The following OFD1 variants were observed in gnomAD, a reference collection of about 807,000 sequenced individuals.
The protein encoded by OFD1 is OFD1 centriole and centriolar satellite protein.
In OFD1, 12 loss-of-function variants were observed where a neutral mutation model predicts 81.4. That is an observed-to-expected ratio of 0.15 (90% CI 0.09 to 0.24). The LOEUF is 0.24. Ranked by LOEUF, OFD1 falls within the 10% of genes least tolerant of loss-of-function variation. OFD1 has a pLI of 1.00. For missense variants in OFD1, 685 were observed against 733.9 expected (o/e 0.93, Z 0.77); for synonymous variants, 256 against 263.7 (o/e 0.97, Z 0.28).
At chrX:13,733,609 G>A (rs775104054), upstream of OFD1, among the ~76,000 whole-genome samples, 3 of 111,737 alleles carry the variant, frequency 2.7e-5, no homozygotes, top group Admixed American at 2.9e-4. Context: ...AAAACTCATC[G>A]TACTCATCTT....
At position 13,763,799 on chromosome X, in the gene OFD1, A is replaced by G. The variant is rs747535481; in HGVS notation, c.2543A>G (p.Asp848Gly). The G allele has an allele frequency of 2.5e-6, 3 of 1,211,164 alleles. No homozygotes were observed. Among genetic ancestry groups the G allele is most frequent in the African/African-American group, 1.7e-5 (1 of 57,714 alleles). Reference protein sequence around the residue: ...LEMGGLSPAGDMSHVDAAAAA... With the variant: ...LEMGGLSPAGGMSHVDAAAAA... ...ATGGGCGGGCTTTCTCCTGCCGGGG[A>G]TATGTCTCATGTGGACGCTGCTGCA... Residue 848 changes from aspartate (D) to glycine (G), a missense_variant, in exon 19 of 23, where the codon GAT (aspartate) becomes GGT (glycine). Around this residue, in one of 3 missense-constraint regions of OFD1, gnomAD observed 259 missense variants for 254.4 expected, o/e 1.02. Transcript: ENST00000340096.
intron 10 of OFD1, 41 bp from the exon 11 acceptor site, chrX:13,753,327 A>G (rs1448490413): frequency 8.3e-7 from 1 of 1,207,291 alleles, no homozygotes; most frequent in Non-Finnish European, 1.1e-6. Flanking sequence ...CTTTCCAGAA[A>G]AATGCCTGAG....
chrX:13,720,553 CTTCT>C, the OFD1 span: 4 of 112,546 alleles, frequency 3.6e-5, no homozygotes, highest in African/African-American at 1.3e-4. Flanking sequence ...CTGTATTTGT[CTTCT>C]TTCTACTTGA....
the OFD1 span, chrX:13,716,201 T>G: frequency 1.2e-6 from 1 of 842,567 alleles, no homozygotes. Context: ...GATGGAAAAG[T>G]TGAATATATA....
chrX:13,740,055 G>C (rs1198014338), intron 5 of OFD1: 6 of 939,648 alleles, frequency 6.4e-6, no homozygotes, highest in Non-Finnish European at 6.8e-6. Context: ...AATTCATTTA[G>C]AACTTAATCA....
At chrX:13,717,239 G>A in the OFD1 span, among the ~76,000 whole-genome samples, 5 of 110,176 alleles carry the variant, frequency 4.5e-5, no homozygotes, top group Non-Finnish European at 9.5e-5. Context: ...ACATGACAGC[G>A]GGACCTAGGA....
upstream of OFD1, among the ~76,000 whole-genome samples, chrX:13,732,420 C>G (rs1296020439): frequency 1.8e-5 from 2 of 112,425 alleles, no homozygotes; most frequent in Non-Finnish European, 3.8e-5. Context: ...AGGGACTTGG[C>G]TAGGGATGGC....
Position 13,734,776 on chromosome X carries a change from G to T in OFD1, c.-296G>T, listed in dbSNP as rs2285635. The T allele has an allele frequency of 0.26, 276,549 of 1,056,115 alleles. 26,388 individuals are homozygous for T. Among genetic ancestry groups the T allele is most frequent in the Admixed American group, 0.51 (12,033 of 23,814 alleles). The allele number at this position is 1,056,115 out of a possible 1,213,427, so 87.0% of individuals were successfully genotyped here. On this transcript the variant is annotated 5_prime_UTR_variant, in exon 1 of 23. Transcript: ENST00000340096. ...GGCTGTGAGGCGGTCCTGCCTCGCT[G>T]CCTTCAGTCCCTAGTGTCTGGGTCC... is the stretch of plus-strand genomic sequence containing the variant.
the OFD1 span, among the ~76,000 whole-genome samples, chrX:13,718,674 C>T: frequency 8.9e-6 from 1 of 112,367 alleles, no homozygotes; most frequent in South Asian, 3.6e-4. Flanking sequence ...AAATGCCTAT[C>T]TTATTTTGGT....
At chrX:13,747,066 T>C (rs2047324793) in intron 8 of OFD1, 113 bp downstream of exon 8, 1 of 704,258 alleles carries the variant, frequency 1.4e-6, no homozygotes, top group African/African-American at 2.1e-5. Context: ...AGAAGAGCAA[T>C]AGGGACTGGG....
At position 13,760,273 on chromosome X, in the gene OFD1, G is replaced by A. The variant is rs1180446732; in HGVS notation, c.1813G>A (p.Ala605Thr). The change falls in exon 16 of 23, where the codon GCA (alanine) becomes ACA (threonine). Residue 605 changes from alanine to threonine, a missense_variant. Transcript: ENST00000340096. ...GGAAAACGTTCTAGCACGTATGGTTGCATCAAGGATCACAAATTATCCAAC... is the reference window on the plus strand; with the variant it reads ...GGAAAACGTTCTAGCACGTATGGTTACATCAAGGATCACAAATTATCCAAC... ...KQENVLARMV[A>T]SRITNYPTAW... The A allele has an allele frequency of 1.7e-6, 2 of 1,210,010 alleles. No individual in the cohort carries two copies. The highest frequency in any genetic ancestry group is 3.5e-5 in the African/African-American group (2 of 57,176).
chrX:13,735,282 A>T lies in OFD1; in HGVS notation c.47A>T (p.Gln16Leu). Residue 16 changes from glutamine (Q) to leucine (L), a missense_variant, in exon 2 of 23, where the codon CAA becomes CTA. Coordinates refer to ENST00000340096, the MANE Select transcript of OFD1 (RefSeq NM_003611.3). ...TTTACCGTGGCTGATGTGTTGAGTC[A>T]AGATGAACTGCGCAAAAAGCTATAC... ...NMFTVADVLS[Q>L]DELRKKLYQT... The T allele has an allele frequency of 4.1e-6, 5 of 1,211,822 alleles. No homozygotes were observed. The highest frequency in any genetic ancestry group is 5.6e-6 in the Non-Finnish European group (5 of 895,297).
chrX:13,729,245 C>A, the OFD1 span, among the ~76,000 whole-genome samples: 3 of 111,945 alleles, frequency 2.7e-5, no homozygotes. Flanking sequence ...TTGAAAAAAA[C>A]TACTTTAAAG....
chrX:13,727,269 A>C, the OFD1 span, among the ~76,000 whole-genome samples: 2 of 111,748 alleles, frequency 1.8e-5, no homozygotes, highest in Non-Finnish European at 3.8e-5. Flanking sequence ...CATCTACAGA[A>C]CTCTCCACCC....
chrX:13,752,477 G>C (rs2047541061), intron 10 of OFD1, among the ~76,000 whole-genome samples: 1 of 112,024 alleles, frequency 8.9e-6, no homozygotes. Flanking sequence ...GGTTTCTTGA[G>C]GTAATCCTTT....
At chrX:13,767,354 A>C in intron 20 of OFD1, 70 bp downstream of exon 20, 8 of 1,074,781 alleles carry the variant, frequency 7.4e-6, no homozygotes, top group Non-Finnish European at 1.0e-5. Context: ...CATTGAGCTC[A>C]GGGAGGGGAG....
chrX:13,751,561 T>C (rs912668150), intron 10 of OFD1, among the ~76,000 whole-genome samples, 193 bp downstream of exon 10: 1 of 111,060 alleles, frequency 9.0e-6, no homozygotes, highest in Non-Finnish European at 1.9e-5. Flanking sequence ...GGGCCGGGTG[T>C]GGTGGCTCAT....
chrX:13,735,385 T>C (rs184392923), intron 2 of OFD1, 39 bp downstream of exon 2: 2 of 981,580 alleles, frequency 2.0e-6, no homozygotes, highest in Admixed American at 4.4e-5. Context: ...CTTTTACAAG[T>C]GTAACCTGTA....
Position 13,763,777 on chromosome X carries a change from G to A in OFD1, c.2521G>A (p.Gly841Ser). The A allele has an allele frequency of 1.7e-6, 2 of 1,211,291 alleles. No individual in the cohort carries two copies. The highest frequency in any genetic ancestry group is 3.0e-5 in the East Asian group (1 of 33,859). ...GAACATGCCAAGGCAGTTGGAAATG[G>A]GCGGGCTTTCTCCTGCCGGGGATAT... is the stretch of plus-strand genomic sequence containing the variant. ...AGNMPRQLEM[G>S]GLSPAGDMSH... Residue 841 changes from glycine to serine, a missense_variant, in exon 19 of 23, where the codon GGC becomes AGC. Physicochemically the swap from Gly to Ser is moderately conservative, Grantham distance 56. Coordinates refer to ENST00000340096, the MANE Select transcript of OFD1 (RefSeq NM_003611.3).
Sources: gnomAD v4.1 joint callset for allele counts (sites outside exome capture counted in the v4.1 genomes callset) on GRCh38, gnomAD v4.1.1 for gene constraint, gnomAD v4.1.1 regional missense constraint, MANE v1.5 for transcripts, NCBI Gene and HGNC (gene_info 2026-07-23, HGNC 2026-07-21) for gene names.